The following PCYOX1 variants were observed in gnomAD, a reference collection of about 807,000 sequenced individuals.
The protein encoded by PCYOX1 is prenylcysteine oxidase 1.
PCYOX1 carries 46 observed loss-of-function variants against 46.4 expected under a neutral mutation model. The observed-to-expected ratio is 0.99, with a 90% CI of 0.78 to 1.27. PCYOX1 has a LOEUF of 1.27. PCYOX1 is among the 50% of genes most tolerant of loss of function. The pLI, the probability that PCYOX1 is intolerant of heterozygous loss-of-function variation, is 0.00. For synonymous variants in PCYOX1, 220 were observed against 231.8 expected, an observed-to-expected ratio of 0.95 and a Z score of 0.46; for missense variants, 658 against 628.3, an observed-to-expected ratio of 1.05 and a Z score of -0.51.
rs551924573 is a variant in PCYOX1 at position 70,265,609 on chromosome 2, C to T, written c.494+4223C>T. On this transcript the variant is annotated intron_variant, in intron 3 of 5. Coordinates refer to ENST00000433351, the MANE Select transcript of PCYOX1 (RefSeq NM_016297.4). ...CAAACATCCCTTATTATACGGTGCA[C>T]ACTGTGTGCTTGTGTTCTATGCTAC... Among the ~76,000 whole-genome samples, 12 of 152,284 alleles carry T rather than the reference C, an allele frequency of 7.9e-5. No individual in the cohort carries two copies. In the East Asian group the frequency reaches 2.3e-3, roughly 29 times the overall value.
rs1452794900 is a variant in PCYOX1 at position 70,259,393 on chromosome 2, C to T, written c.146C>T (p.Ala49Val). The change falls in exon 2 of 6, where the codon GCA (alanine) becomes GTA (valine). Residue 49 changes from alanine (A) to valine (V), a missense_variant. Ala to Val is a moderately conservative substitution (Grantham distance 64). Transcript: ENST00000433351. ...IIGAGIGGTS[A>V]AYYLRQKFGK... ...GGAGCCGGAATTGGTGGCACTTCAG[C>T]AGCCTATTACCTGCGGCAGAAATTT... 1 of 1,614,118 alleles carries T rather than the reference C, an allele frequency of 6.2e-7. No homozygotes were observed. The highest frequency in any genetic ancestry group is 8.5e-7 in the Non-Finnish European group (1 of 1,180,004).
chr2:70,258,327 G>A (rs888642252), intron 1 of PCYOX1, 51 bp downstream of exon 1: 4 of 1,283,260 alleles, frequency 3.1e-6, no homozygotes, highest in Non-Finnish European at 4.2e-6. Flanking sequence ...GCCCCGCGCC[G>A]GGCGGCCGCT....
chr2:70,275,704 C>T, intron 5 of PCYOX1, 38 bp downstream of exon 5: 1 of 1,580,046 alleles, frequency 6.3e-7, no homozygotes, highest in Non-Finnish European at 8.7e-7. Context: ...ATATCCCCTG[C>T]AGAAAATGAT....
chr2:70,268,986 G>C (rs1234133568), intron 3 of PCYOX1, among the ~76,000 whole-genome samples: 1 of 151,934 alleles, frequency 6.6e-6, no homozygotes, highest in Non-Finnish European at 1.5e-5. Flanking sequence ...TCCAGTCTTT[G>C]GTACTGTGTT....
chr2:70,259,821 C>CT (rs545454921), intron 2 of PCYOX1, among the ~76,000 whole-genome samples: 3 of 151,496 alleles, frequency 2.0e-5, no homozygotes, highest in African/African-American at 7.3e-5. Flanking sequence ...CTGCCATTGT[C>CT]TTTTTTTTTC....
intron 2 of PCYOX1, among the ~76,000 whole-genome samples, chr2:70,260,839 CGAAGGT>C (rs1696425568): frequency 1.3e-5 from 2 of 152,038 alleles, no homozygotes; most frequent in African/African-American, 4.8e-5. Context: ...TCCACGAGGG[CGAAGGT>C]ATACCCAGAA....
Position 70,261,331 on chromosome 2 carries a change from T to C in PCYOX1, c.439T>C (p.Phe147Leu). The change falls in exon 3 of 6, where the codon TTT (phenylalanine) becomes CTT (leucine). Residue 147 changes from phenylalanine (F) to leucine (L), a missense_variant. Phe to Leu is a conservative substitution (Grantham distance 22). Coordinates refer to ENST00000433351, the MANE Select transcript of PCYOX1 (RefSeq NM_016297.4). ...GATTAAATTAGTTTGGCGCTATGGA[T>C]TTCAATCCCTCCGTATGCACATGTG... ...NVIKLVWRYG[F>L]QSLRMHMWVE... 2 of 1,613,156 alleles carry C rather than the reference T, an allele frequency of 1.2e-6. No homozygotes were observed. Among genetic ancestry groups the C allele is most frequent in the African/African-American group, 2.7e-5 (2 of 75,044 alleles).
chr2:70,257,996 T>C (rs1195660276), upstream of PCYOX1: 4 of 487,986 alleles, frequency 8.2e-6, no homozygotes, highest in Non-Finnish European at 1.4e-5. Context: ...GGGGAGCTCC[T>C]GCAGGGTTGA....
At chr2:70,272,586 C>T (rs902958691) in intron 3 of PCYOX1, among the ~76,000 whole-genome samples, 3 of 152,136 alleles carry the variant, frequency 2.0e-5, no homozygotes, top group African/African-American at 7.2e-5. Flanking sequence ...CAGCCTTGTG[C>T]CCCTGGGCTT....
At position 70,259,413 on chromosome 2, in the gene PCYOX1, A is replaced by C; in HGVS notation, c.166A>C (p.Lys56Gln). 6.2e-7 allele frequency: 1 copy of C among 1,614,168 alleles called. No individual in the cohort carries two copies. The highest frequency in any genetic ancestry group is 8.5e-7 in the Non-Finnish European group (1 of 1,180,016). ...TTCAGCAGCCTATTACCTGCGGCAG[A>C]AATTTGGGAAAGATGTGAAGATAGA... ...GTSAAYYLRQ[K>Q]FGKDVKIDLF... Residue 56 changes from lysine to glutamine, a missense_variant, in exon 2 of 6, where the codon AAA becomes CAA. Lys to Gln is a moderately conservative substitution (Grantham distance 53). Coordinates refer to ENST00000433351, the MANE Select transcript of PCYOX1 (RefSeq NM_016297.4).
chr2:70,261,161 A>G, intron 2 of PCYOX1, 51 bp from the exon 3 acceptor site: 2 of 1,259,966 alleles, frequency 1.6e-6, no homozygotes, highest in Non-Finnish European at 2.3e-6. Flanking sequence ...ACGTTCTTTC[A>G]TTTGATCAGC....
At chr2:70,274,279 C>T (rs1465055017) in intron 3 of PCYOX1, among the ~76,000 whole-genome samples, 1 of 149,738 alleles carries the variant, frequency 6.7e-6, no homozygotes, top group African/African-American at 2.5e-5. Flanking sequence ...CTCACTGCAA[C>T]CTCCGCTTTC....
rs995749399 is a variant in PCYOX1 at position 70,267,662 on chromosome 2, G to A, written c.494+6276G>A. On this transcript the variant is annotated intron_variant, in intron 3 of 5. Coordinates refer to ENST00000433351, the MANE Select transcript of PCYOX1 (RefSeq NM_016297.4). Reference sequence around the variant, plus strand: ...AAACCAGTCAGGCGTGGCGGCGCGCGCCTGCAATCCCAGGCACTTGGCAGG... The same window carrying A: ...AAACCAGTCAGGCGTGGCGGCGCGCACCTGCAATCCCAGGCACTTGGCAGG... Among the ~76,000 whole-genome samples the A allele has an allele frequency of 8.5e-5, 13 of 152,182 alleles. No individual in the cohort carries two copies. In the South Asian group the frequency reaches 1.2e-3, roughly 15 times the overall value.
In PCYOX1 at chr2:70,261,236, G is replaced by T. The variant is rs1428763430; in HGVS notation, c.344G>T (p.Gly115Val). 3.1e-6 allele frequency: 5 copies of T among 1,611,910 alleles called. No homozygotes were observed. The highest frequency in any genetic ancestry group is 4.2e-6 in the Non-Finnish European group (5 of 1,178,134). Reference protein sequence around the residue: ...DLGLSAVQASGGLLGIYNGET... With the variant: ...DLGLSAVQASVGLLGIYNGET... ...GGTCTCTCTGCTGTTCAGGCCTCTG[G>T]TGGCCTACTGGGGATATATAATGGA... Residue 115 changes from glycine to valine, a missense_variant, in exon 3 of 6, where the codon GGT becomes GTT. Transcript: ENST00000433351.
intron 3 of PCYOX1, 60 bp downstream of exon 3, chr2:70,261,446 A>G: frequency 1.7e-6 from 2 of 1,164,602 alleles, no homozygotes; most frequent in Non-Finnish European, 2.5e-6. Context: ...ATTAAACTTG[A>G]TGAACTTTAG....
intron 4 of PCYOX1, 150 bp downstream of exon 4, chr2:70,275,320 T>G: frequency 1.2e-6 from 1 of 845,582 alleles, no homozygotes; most frequent in South Asian, 1.6e-5. Context: ...TATGTAGATG[T>G]GCATTTTTAG....
In PCYOX1 at chr2:70,258,292, GC is replaced by G; in HGVS notation, c.112+17del. The G allele has an allele frequency of 6.5e-7, 1 of 1,545,984 alleles. No homozygotes were observed. Among genetic ancestry groups the G allele is most frequent in the Non-Finnish European group, 8.7e-7 (1 of 1,147,146 alleles). ...GATAAAATCGGTAGGCGAGAAGGGG[GC>G]GGCGCGGGAAGGTGCTGGAGCGCGC... is the stretch of plus-strand genomic sequence containing the variant. On this transcript the variant is annotated intron_variant, in intron 1 of 5. Transcript: ENST00000433351.
intron 3 of PCYOX1, 54 bp from the exon 4 acceptor site, chr2:70,274,905 T>A (rs542101582): frequency 1.8e-6 from 2 of 1,092,720 alleles, no homozygotes; most frequent in East Asian, 2.4e-5. Context: ...TCTTTATACA[T>A]CCCCTTCCCC....
Position 70,262,711 on chromosome 2 carries a change from CCTCGTGAT to C in PCYOX1, c.494+1327_494+1334del, listed in dbSNP as rs1287653739. 1.4e-4 allele frequency among the ~76,000 whole-genome samples: 21 copies of C among 151,496 alleles called. No individual in the cohort carries two copies. In the East Asian group the frequency reaches 3.9e-3, roughly 28 times the overall value. On this transcript the variant is annotated intron_variant, in intron 3 of 5. Coordinates refer to ENST00000433351, the MANE Select transcript of PCYOX1 (RefSeq NM_016297.4). ...AGCCAGGATGGTCTTGATCTCCTGA[CCTCGTGAT>C]CCGCCTGCCTCAGCCTCCCAAAGTG... is the stretch of plus-strand genomic sequence containing the variant.
Sources: allele counts gnomAD v4.1 joint callset (sites outside exome capture counted in the v4.1 genomes callset), GRCh38; gene constraint gnomAD v4.1.1; transcripts MANE v1.5; gene names NCBI Gene and HGNC (gene_info 2026-07-23, HGNC 2026-07-21).